The following SCN4B variants were observed in gnomAD, a reference collection of about 807,000 sequenced individuals.
SCN4B encodes the protein sodium channel regulatory subunit beta-4.
A neutral mutation model predicts 19.6 loss-of-function variants in SCN4B; 20 were observed. The ratio of observed to expected loss-of-function variants is 1.02; its 90% CI spans 0.72 to 1.48. SCN4B has a LOEUF of 1.48. Ranked by LOEUF, SCN4B falls within the 40% of genes most tolerant of loss-of-function variation. The pLI is 0.00. For synonymous variants in SCN4B, 127 were observed against 122.8 expected, an observed-to-expected ratio of 1.03 and a Z score of -0.22; for missense variants, 271 against 287.5, an observed-to-expected ratio of 0.94 and a Z score of 0.42.
In SCN4B at chr11:118,151,544, C is replaced by G. The variant is rs150648609; in HGVS notation, c.61+1069G>C. ...ATAAACATCCCAAGTACAAGAAATACTCTCTCCCCTCTTCACCACCAGGCA... is the reference window on the plus strand; with the variant it reads ...ATAAACATCCCAAGTACAAGAAATAGTCTCTCCCCTCTTCACCACCAGGCA... On this transcript the variant is annotated intron_variant, in intron 1 of 4. Coordinates refer to ENST00000324727, the MANE Select transcript of SCN4B (RefSeq NM_174934.4). Among the ~76,000 whole-genome samples, 598 of 152,308 alleles carry G rather than the reference C, an allele frequency of 3.9e-3. 2 individuals are homozygous for G. The highest frequency in any genetic ancestry group is 6.5e-3 in the Non-Finnish European group (441 of 68,024).
chr11:118,147,362 C>G (rs1948190775), intron 1 of SCN4B, among the ~76,000 whole-genome samples: 1 of 152,118 alleles, frequency 6.6e-6, no homozygotes, highest in African/African-American at 2.4e-5. Context: ...CATCATAATC[C>G]TATAAGTTAC....
chr11:118,136,039 G>GA lies in SCN4B; in HGVS notation c.*987_*988insT, dbSNP rs905790338. On this transcript the variant is annotated 3_prime_UTR_variant, in exon 5 of 5. Transcript: ENST00000324727. ...GCAGGGCGTGATGGAGGGCACGGTG[G>GA]GGGGGGGGGAGCGAGCCAATGGGAG... is the stretch of plus-strand genomic sequence containing the variant. 1 of 173,302 alleles carries GA rather than the reference G, an allele frequency of 5.8e-6. No individual in the cohort carries two copies. The highest frequency in any genetic ancestry group is 6.3e-5 in the African/African-American group (1 of 15,874). 10.7% of individuals were successfully genotyped at this position (173,302 alleles called of 1,614,324 possible).
intron 2 of SCN4B, among the ~76,000 whole-genome samples, chr11:118,144,769 C>G (rs1382158197): frequency 6.6e-6 from 1 of 152,280 alleles, no homozygotes; most frequent in African/African-American, 2.4e-5. Context: ...TTAGACTAAA[C>G]TATTGATTTT....
intron 3 of SCN4B, chr11:118,142,628 G>A (rs975022632): frequency 1.3e-5 from 2 of 151,972 alleles, no homozygotes; most frequent in South Asian, 4.2e-4. Context: ...TCACATCCTC[G>A]GAATCTAGAA....
At chr11:118,139,498 T>TA (rs1201618675) in intron 4 of SCN4B, among the ~76,000 whole-genome samples, 1 of 152,168 alleles carries the variant, frequency 6.6e-6, no homozygotes, top group Non-Finnish European at 1.5e-5. Context: ...CTTCTTTAGT[T>TA]AAAGGCAGAA....
intron 1 of SCN4B, among the ~76,000 whole-genome samples, chr11:118,151,152 A>ACAC (rs59803898): frequency 1.4e-5 from 2 of 144,308 alleles, no homozygotes; most frequent in African/African-American, 5.3e-5. Flanking sequence ...ACACACACAC[A>ACAC]TCATTTTCAG....
intron 4 of SCN4B, among the ~76,000 whole-genome samples, chr11:118,138,670 A>G (rs11216780): frequency 0.056 from 8,576 of 152,240 alleles, 851 homozygotes; most frequent in East Asian, 0.42. Flanking sequence ...TAAACAAGTG[A>G]TTGTGACACA....
At position 118,143,995 on chromosome 11, in the gene SCN4B, T is replaced by C. The variant is rs1948135189; in HGVS notation, c.301A>G (p.Ile101Val). ...PKVTLKDDDR[I>V]TLVGSTKEKM... ...TCCTTAGTAGAGCCTACCAGAGTGA[T>C]GCGGTCATCGTCTTTCAACGTCACC... The change falls in exon 3 of 5, where the codon ATC becomes GTC. Residue 101 changes from isoleucine (I) to valine (V), a missense_variant. By Grantham distance (29) the Ile-to-Val change is conservative. Transcript: ENST00000324727. 3.1e-6 allele frequency: 5 copies of C among 1,614,190 alleles called. No homozygotes were observed. The highest frequency in any genetic ancestry group is 1.1e-5 in the South Asian group (1 of 91,084).
chr11:118,152,499 C>G (rs1213426588), intron 1 of SCN4B, 114 bp downstream of exon 1: 7 of 893,164 alleles, frequency 7.8e-6, no homozygotes, highest in Admixed American at 6.2e-5. Flanking sequence ...CCACCATCCT[C>G]ATTCCGTGCC....
rs778247172 is a variant in SCN4B, at chr11:118,143,842, C to T, written c.454G>A (p.Val152Ile). ...AGCCCCTACTGCATACGTCTATCAA[C>T]GACTTGGAGGAAGATGGTGGCGTGG... ...QHHATIFLQVVDRLEEVDNTV... is the reference protein window; with the variant it reads ...QHHATIFLQVIDRLEEVDNTV... The change falls in exon 3 of 5, where the codon GTT becomes ATT. Residue 152 changes from valine to isoleucine, a missense_variant. Physicochemically the swap from Val to Ile is conservative, Grantham distance 29. Coordinates refer to ENST00000324727, the MANE Select transcript of SCN4B (RefSeq NM_174934.4). 6.2e-6 allele frequency: 10 copies of T among 1,612,078 alleles called. No individual in the cohort carries two copies. Among genetic ancestry groups the T allele is most frequent in the South Asian group, 2.2e-5 (2 of 91,010 alleles).
rs1948199423 is a variant in SCN4B at position 118,148,046 on chromosome 11, G to T, written c.62-2817C>A. 6.6e-6 allele frequency among the ~76,000 whole-genome samples: 1 copy of T among 152,254 alleles called. No homozygotes were observed. The highest frequency in any genetic ancestry group is 1.5e-5 in the Non-Finnish European group (1 of 68,054). On this transcript the variant is annotated intron_variant, in intron 1 of 4. Coordinates refer to ENST00000324727, the MANE Select transcript of SCN4B (RefSeq NM_174934.4). The surrounding 1 kb of genome is among the most constrained non-coding windows in gnomAD (Gnocchi z 4.0). ...TCTTTAAGGTCTGGCTCATGACACA[G>T]TACACGTTTCTGCCTGGTTTGTGTG...
intron 1 of SCN4B, chr11:118,145,452 T>C (rs1035916078): frequency 8.8e-6 from 13 of 1,469,990 alleles, no homozygotes; most frequent in African/African-American, 7.0e-5. Context: ...GACCAGGGAG[T>C]AGCCCTTGTT....
rs948164016 is a variant in SCN4B, at chr11:118,135,123, G to C, written c.*1904C>G. 1.3e-5 allele frequency: 6 copies of C among 454,006 alleles called. No individual in the cohort carries two copies. Among genetic ancestry groups the C allele is most frequent in the Admixed American group, 1.2e-4 (5 of 42,560 alleles). 28.1% of individuals were successfully genotyped at this position (454,006 alleles called of 1,614,324 possible). ...GCTATAAGAAGTTTTCTGAATGGCTGGTGGCTCTGGTCTGTCTGCTCCCAA... is the reference window on the plus strand; with the variant it reads ...GCTATAAGAAGTTTTCTGAATGGCTCGTGGCTCTGGTCTGTCTGCTCCCAA... On this transcript the variant is annotated 3_prime_UTR_variant, in exon 5 of 5. Transcript: ENST00000324727.
At position 118,135,742 on chromosome 11, in the gene SCN4B, C is replaced by T. The variant is rs1474167423; in HGVS notation, c.*1285G>A. ...GACTCTGCTGTTATGTCAGGACATA[C>T]CGTCTAGAGAGGATGGGGGTAAGGG... is the stretch of plus-strand genomic sequence containing the variant. On this transcript the variant is annotated 3_prime_UTR_variant, in exon 5 of 5. Transcript: ENST00000324727. 2 of 454,380 alleles carry T rather than the reference C, an allele frequency of 4.4e-6. No individual in the cohort carries two copies. The allele number at this position is 454,380 out of a possible 1,614,324, so 28.1% of individuals were successfully genotyped here.
In SCN4B at chr11:118,145,905, C is replaced by T. The variant is rs1034463723; in HGVS notation, c.62-676G>A. On this transcript the variant is annotated intron_variant, in intron 1 of 4. Coordinates refer to ENST00000324727, the MANE Select transcript of SCN4B (RefSeq NM_174934.4). ...GGCCGCCAAACGGGACCCTGGGAACCGCAGGAAGACGGCCTGGCAGGGGGG... is the reference window on the plus strand; with the variant it reads ...GGCCGCCAAACGGGACCCTGGGAACTGCAGGAAGACGGCCTGGCAGGGGGG... Among the ~76,000 whole-genome samples, 7 of 152,280 alleles carry T rather than the reference C, an allele frequency of 4.6e-5. No individual in the cohort carries two copies. In the Middle Eastern group the frequency reaches 0.017, roughly 370 times the overall value.
intron 2 of SCN4B, 25 bp downstream of exon 2, chr11:118,145,032 T>A (rs760299049): frequency 6.2e-7 from 1 of 1,611,918 alleles, no homozygotes. Flanking sequence ...GGCTGGGCTG[T>A]ACTGTTCTTC....
intron 1 of SCN4B, among the ~76,000 whole-genome samples, chr11:118,151,349 A>T (rs141903430): frequency 6.6e-6 from 1 of 152,262 alleles, no homozygotes; most frequent in East Asian, 1.9e-4. Flanking sequence ...GGCTGATCTG[A>T]GATGGGATGA....
chr11:118,148,665 G>A lies in SCN4B; in HGVS notation c.62-3436C>T, dbSNP rs1948206948. Among the ~76,000 whole-genome samples the A allele has an allele frequency of 6.6e-6, 1 of 152,138 alleles. No individual in the cohort carries two copies. The highest frequency in any genetic ancestry group is 2.1e-4 in the South Asian group (1 of 4,834). ...GAGGAGGGTGGTATTTGAAAGGGGA[G>A]CAGGGGACAAGGGTGTCCCTCATCA... On this transcript the variant is annotated intron_variant, in intron 1 of 4. Transcript: ENST00000324727. This position sits in a 1 kb window ranked among gnomAD's most constrained non-coding sequence, Gnocchi z 4.0.
intron 1 of SCN4B, among the ~76,000 whole-genome samples, chr11:118,146,199 C>T (rs948869445): frequency 2.0e-5 from 3 of 152,212 alleles, no homozygotes; most frequent in East Asian, 1.9e-4. Flanking sequence ...AACCTCCGCC[C>T]CAGCACTCCG....
Sources: allele counts gnomAD v4.1 joint callset (sites outside exome capture counted in the v4.1 genomes callset), GRCh38; gene constraint gnomAD v4.1.1; non-coding constraint Gnocchi (gnomAD v3.1); transcripts MANE v1.5; gene names NCBI Gene and HGNC (gene_info 2026-07-23, HGNC 2026-07-21).